Variants in CSMD1 observed in about 807,000 individuals in gnomAD.
The protein encoded by CSMD1 is CUB and sushi domain-containing protein 1.
Under a neutral mutation model 417.5 loss-of-function variants are expected in CSMD1, and 213 were observed. That is an observed-to-expected ratio of 0.51 (90% CI 0.46 to 0.57). The LOEUF is 0.57. Ranked by LOEUF, CSMD1 falls within the 20% of genes least tolerant of loss-of-function variation. CSMD1 has a pLI of 0.00. For missense variants in CSMD1, 6,923 were observed against 4,529.7 expected, an observed-to-expected ratio of 1.53 and a Z score of -15.17; for synonymous variants, 2,862 against 1,736.8, an observed-to-expected ratio of 1.65 and a Z score of -16.11.
At chr8:3,865,704 A>C (rs1385894289) in intron 5 of CSMD1, among the ~76,000 whole-genome samples, 1 of 152,178 alleles carries the variant, frequency 6.6e-6, no homozygotes, top group African/African-American at 2.4e-5. Flanking sequence ...ACGGAGCAGT[A>C]AATACAACAA....
At chr8:4,884,490 T>C (rs771052810) in intron 1 of CSMD1, among the ~76,000 whole-genome samples, 23 of 151,954 alleles carry the variant, frequency 1.5e-4, no homozygotes, top group African/African-American at 4.1e-4. Context: ...TGTGTTTTCT[T>C]TGTAAGGATT....
At chr8:4,283,036 A>T (rs1363033797) in intron 3 of CSMD1, among the ~76,000 whole-genome samples, 1 of 151,892 alleles carries the variant, frequency 6.6e-6, no homozygotes, top group Non-Finnish European at 1.5e-5. Context: ...ATTTTCATTT[A>T]AAAAAAATGC....
chr8:4,510,778 C>A, intron 2 of CSMD1, among the ~76,000 whole-genome samples: 1 of 143,232 alleles, frequency 7.0e-6, no homozygotes, highest in East Asian at 2.1e-4. Context: ...CTTCCTTCCC[C>A]TTTCTCTTCC....
At chr8:2,980,942 G>T (rs946435149) in intron 54 of CSMD1, among the ~76,000 whole-genome samples, 1 of 152,126 alleles carries the variant, frequency 6.6e-6, no homozygotes, top group Non-Finnish European at 1.5e-5. Flanking sequence ...CCCCATGTGG[G>T]GAAACTCAGT....
chr8:4,191,435 C>G (rs1563249386), intron 3 of CSMD1, among the ~76,000 whole-genome samples: 1 of 151,756 alleles, frequency 6.6e-6, no homozygotes, highest in Non-Finnish European at 1.5e-5. Context: ...ACAAAAAACA[C>G]AAAAAACAAA....
At chr8:3,053,083 G>C (rs1458064777) in intron 49 of CSMD1, among the ~76,000 whole-genome samples, 4 of 152,112 alleles carry the variant, frequency 2.6e-5, no homozygotes, top group African/African-American at 4.8e-5. Flanking sequence ...TGCCCAGCAT[G>C]AATTCTATTT....
intron 2 of CSMD1, among the ~76,000 whole-genome samples, chr8:4,494,887 A>C (rs1234018752): frequency 1.3e-5 from 2 of 152,214 alleles, no homozygotes; most frequent in South Asian, 2.1e-4. Context: ...AAAAGCTTAA[A>C]ATTCTCATTG....
At chr8:4,918,556 G>A (rs1025567079) in intron 1 of CSMD1, among the ~76,000 whole-genome samples, 1 of 152,096 alleles carries the variant, frequency 6.6e-6, no homozygotes, top group South Asian at 2.1e-4. Context: ...AATTTCCAAT[G>A]TCTAGACAAG....
chr8:4,392,500 A>G (rs1210155221), intron 3 of CSMD1, among the ~76,000 whole-genome samples: 1 of 152,192 alleles, frequency 6.6e-6, no homozygotes, highest in African/African-American at 2.4e-5. Flanking sequence ...AAGAAAAGGT[A>G]AAGAATCACG....
chr8:4,823,585 G>C (rs1468600999), intron 1 of CSMD1, among the ~76,000 whole-genome samples: 1 of 152,072 alleles, frequency 6.6e-6, no homozygotes, highest in Non-Finnish European at 1.5e-5. Flanking sequence ...ACACAGCAAA[G>C]ATGGGCATTT....
chr8:3,421,101 C>G (rs1046012271), intron 12 of CSMD1, among the ~76,000 whole-genome samples: 2 of 152,150 alleles, frequency 1.3e-5, no homozygotes, highest in Admixed American at 1.3e-4. Context: ...ATTCTATGCT[C>G]ATTTTCAGTA....
chr8:3,571,134 G>C (rs1174343859), intron 10 of CSMD1, among the ~76,000 whole-genome samples: 1 of 152,142 alleles, frequency 6.6e-6, no homozygotes, highest in Admixed American at 6.5e-5. Flanking sequence ...CGACAGCTGA[G>C]GCAAAATTTA....
chr8:4,821,242 T>C (rs546660674), intron 1 of CSMD1, among the ~76,000 whole-genome samples: 1 of 152,298 alleles, frequency 6.6e-6, no homozygotes, highest in East Asian at 1.9e-4. Context: ...TAAAGGATTA[T>C]TACGCAGACT....
rs111531484 is a variant in CSMD1 at position 3,558,154 on chromosome 8, G to C, written c.1344+16791C>G. On this transcript the variant is annotated intron_variant, in intron 10 of 69. Coordinates refer to ENST00000635120, the MANE Select transcript of CSMD1 (RefSeq NM_033225.6). The stretch of plus-strand genomic sequence containing the variant: ...GTGTCCACTCCTCCAATGATGAATG[G>C]TGCCTCAATAGCACCCCGTGTCCAC... Among the ~76,000 whole-genome samples, 26 of 148,182 alleles carry C rather than the reference G, an allele frequency of 1.8e-4. 1 individual carries two copies. Among genetic ancestry groups the C allele is most frequent in the Admixed American group, 9.4e-4 (14 of 14,918 alleles).
chr8:3,376,369 T>C (rs536871473), intron 18 of CSMD1, among the ~76,000 whole-genome samples: 8 of 152,198 alleles, frequency 5.3e-5, no homozygotes, highest in East Asian at 1.9e-4. Context: ...AAGGAAAGCA[T>C]TGATTATATC....
At chr8:3,672,285 AT>A (rs1799113093) in intron 7 of CSMD1, among the ~76,000 whole-genome samples, 1 of 152,180 alleles carries the variant, frequency 6.6e-6, no homozygotes, top group South Asian at 2.1e-4. Flanking sequence ...TTAACCATAA[AT>A]TAAGAAATAG....
chr8:3,284,384 T>C (rs1802984420), intron 25 of CSMD1, 38 bp from the exon 26 acceptor site: 1 of 1,506,094 alleles, frequency 6.6e-7, no homozygotes, highest in African/African-American at 1.4e-5. Context: ...TTGCCGTGCA[T>C]CGAGCATGTC....
At chr8:3,616,461 T>C (rs1802143566) in intron 8 of CSMD1, among the ~76,000 whole-genome samples, 1 of 152,172 alleles carries the variant, frequency 6.6e-6, no homozygotes, top group South Asian at 2.1e-4. Flanking sequence ...GTCTTTCCTT[T>C]ATAAATTACC....
Position 3,719,982 on chromosome 8 carries a change from G to A in CSMD1, c.932-11491C>T, listed in dbSNP as rs188728292. Among the ~76,000 whole-genome samples the A allele has an allele frequency of 2.2e-3, 330 of 152,276 alleles. 2 individuals are homozygous for A. Among genetic ancestry groups the A allele is most frequent in the Middle Eastern group, 0.02 (6 of 294 alleles). ...ATCACCACCTGACCCTCAGAGCTGT[G>A]GTGAAGATTACATGACATGGCAAAT... On this transcript the variant is annotated intron_variant, in intron 6 of 69. Transcript: ENST00000635120.
Sources: gnomAD v4.1 joint callset for allele counts (sites outside exome capture counted in the v4.1 genomes callset) on GRCh38, gnomAD v4.1.1 for gene constraint, MANE v1.5 for transcripts, NCBI Gene and HGNC (gene_info 2026-07-23, HGNC 2026-07-21) for gene names.